Variants in MLLT10 observed in about 807,000 individuals in gnomAD.
MLLT10 encodes MLLT10 histone lysine methyltransferase DOT1L cofactor, also known as protein AF-10.
In MLLT10, 30 loss-of-function variants were observed where a neutral mutation model predicts 129.1. The ratio of observed to expected loss-of-function variants is 0.23; its 90% CI spans 0.17 to 0.32. MLLT10 has a LOEUF of 0.32. Ranked by LOEUF, MLLT10 falls within the 10% of genes least tolerant of loss-of-function variation. MLLT10 has a pLI of 1.00. For synonymous variants in MLLT10, 490 were observed against 446.4 expected (o/e 1.10, Z -1.23); for missense variants, 1,119 against 1,268.3 (o/e 0.88, Z 1.79).
intron 8 of MLLT10, among the ~76,000 whole-genome samples, chr10:21,643,135 C>T (rs922151865): frequency 3.9e-5 from 6 of 152,198 alleles, no homozygotes; most frequent in Admixed American, 1.3e-4. Flanking sequence ...CCAGTTCAAG[C>T]GATTCTCCTG....
intron 5 of MLLT10, among the ~76,000 whole-genome samples, chr10:21,597,829 G>A (rs1395661409): frequency 6.6e-6 from 1 of 152,182 alleles, no homozygotes; most frequent in East Asian, 1.9e-4. Flanking sequence ...TATGTTTTTA[G>A]CAGGAGTATC....
intron 18 of MLLT10, 32 bp downstream of exon 18, chr10:21,733,119 G>C: frequency 6.4e-7 from 1 of 1,551,180 alleles, no homozygotes; most frequent in South Asian, 1.2e-5. Context: ...TTGTATCTAA[G>C]GAAAATAGGC....
chr10:21,684,855 A>G (rs2053130556), intron 13 of MLLT10, among the ~76,000 whole-genome samples: 1 of 152,170 alleles, frequency 6.6e-6, no homozygotes, highest in Non-Finnish European at 1.5e-5. Flanking sequence ...AGCTACTTGT[A>G]GTTTCCTGAT....
chr10:21,581,441 G>A (rs1406727455), intron 3 of MLLT10, among the ~76,000 whole-genome samples: 1 of 152,190 alleles, frequency 6.6e-6, no homozygotes, highest in Admixed American at 6.5e-5. Flanking sequence ...CATGAATGAA[G>A]CTTACAGGAC....
intron 5 of MLLT10, among the ~76,000 whole-genome samples, chr10:21,610,981 TCTC>T (rs1284096762): frequency 7.3e-6 from 1 of 137,704 alleles, no homozygotes; most frequent in Non-Finnish European, 1.6e-5. Context: ...CTTTCTTTTT[TCTC>T]TTTTTTTTTT....
intron 2 of MLLT10, among the ~76,000 whole-genome samples, chr10:21,536,652 C>G (rs936405980): frequency 6.6e-6 from 1 of 152,176 alleles, no homozygotes; most frequent in Non-Finnish European, 1.5e-5. Context: ...CAGCTCACTG[C>G]AGCCTTGACC....
chr10:21,535,477 C>T (rs2033795778), intron 2 of MLLT10, among the ~76,000 whole-genome samples: 1 of 152,024 alleles, frequency 6.6e-6, no homozygotes, highest in African/African-American at 2.4e-5. Context: ...TGTGGGGTGG[C>T]CGCGGCAGGC....
At chr10:21,622,631 T>C (rs886299732) in intron 8 of MLLT10, among the ~76,000 whole-genome samples, 1 of 152,244 alleles carries the variant, frequency 6.6e-6, no homozygotes, top group African/African-American at 2.4e-5. Flanking sequence ...ATATTTGTTA[T>C]GCCTGTTAAT....
chr10:21,552,183 C>T (rs972818018), intron 3 of MLLT10, among the ~76,000 whole-genome samples: 2 of 152,048 alleles, frequency 1.3e-5, no homozygotes, highest in African/African-American at 4.8e-5. Flanking sequence ...GCCTTGGCCT[C>T]CCAAAGTACT....
At chr10:21,632,715 C>T (rs950141809) in intron 8 of MLLT10, among the ~76,000 whole-genome samples, 1 of 152,030 alleles carries the variant, frequency 6.6e-6, no homozygotes, top group Admixed American at 6.6e-5. Context: ...TTTCTATGGC[C>T]TCTCTTTTGT....
chr10:21,653,526 A>G (rs1264392596), intron 9 of MLLT10, among the ~76,000 whole-genome samples: 4 of 152,146 alleles, frequency 2.6e-5, no homozygotes, highest in Non-Finnish European at 4.4e-5. Context: ...AGTTGGAGAA[A>G]GTTCTCTCTT....
At chr10:21,734,798 A>T (rs1488456743) in intron 20 of MLLT10, among the ~76,000 whole-genome samples, 1 of 152,206 alleles carries the variant, frequency 6.6e-6, no homozygotes, top group African/African-American at 2.4e-5. Flanking sequence ...ATATGTGTTT[A>T]CTTAGTGTGA....
At chr10:21,592,278 T>C (rs2042577590) in intron 4 of MLLT10, among the ~76,000 whole-genome samples, 2 of 152,238 alleles carry the variant, frequency 1.3e-5, no homozygotes, top group South Asian at 2.1e-4. Flanking sequence ...TGAGCTTCCT[T>C]CTGGAATCAT....
intron 5 of MLLT10, among the ~76,000 whole-genome samples, chr10:21,603,364 C>G (rs1404323436): frequency 6.6e-6 from 1 of 151,842 alleles, no homozygotes; most frequent in Non-Finnish European, 1.5e-5. Flanking sequence ...ACTGTGCTGG[C>G]CTTGATCAAT....
chr10:21,582,339 C>T (rs764898930), intron 3 of MLLT10, among the ~76,000 whole-genome samples: 3 of 151,960 alleles, frequency 2.0e-5, no homozygotes, highest in Non-Finnish European at 4.4e-5. Context: ...AGGCTGGTCT[C>T]GAACTCCTGA....
At chr10:21,643,336 G>C (rs544502755) in intron 8 of MLLT10, among the ~76,000 whole-genome samples, 1 of 152,162 alleles carries the variant, frequency 6.6e-6, no homozygotes, top group South Asian at 2.1e-4. Context: ...CCCTGACAGG[G>C]TTGTTTGTTT....
chr10:21,733,219 G>T, intron 18 of MLLT10, 132 bp downstream of exon 18: 1 of 872,442 alleles, frequency 1.1e-6, no homozygotes, highest in Non-Finnish European at 1.7e-6. Flanking sequence ...TTTTTGAAGG[G>T]CATAAAGAAT....
intron 8 of MLLT10, among the ~76,000 whole-genome samples, chr10:21,628,454 G>A (rs1334550170): frequency 3.6e-5 from 1 of 27,678 alleles, no homozygotes; most frequent in Non-Finnish European, 6.8e-5. Flanking sequence ...TTTTTTTTTT[G>A]AGACGGAGTC....
chr10:21,739,912 C>T, intron 21 of MLLT10, 118 bp from the exon 22 acceptor site: 4 of 782,784 alleles, frequency 5.1e-6, no homozygotes, highest in Middle Eastern at 3.0e-4. Context: ...AGATGAGATA[C>T]TTGTTTTCTT....
Sources: allele counts gnomAD v4.1 joint callset (sites outside exome capture counted in the v4.1 genomes callset), GRCh38; gene constraint gnomAD v4.1.1; transcripts MANE v1.5; gene names NCBI Gene and HGNC (gene_info 2026-07-23, HGNC 2026-07-21).